ACYP2: variants seen among roughly 807,000 people sequenced by gnomAD.
The protein encoded by ACYP2 is acylphosphatase 2.
ACYP2 carries 12 observed loss-of-function variants against 11.2 expected under a neutral mutation model. The ratio of observed to expected loss-of-function variants is 1.08; its 90% CI spans 0.69 to 1.74. ACYP2 has a LOEUF of 1.74. ACYP2 is among the 40% of genes most tolerant of loss of function. ACYP2 has a pLI of 0.00. For synonymous variants in ACYP2, 43 were observed against 32.2 expected (o/e 1.33, Z -1.13); for missense variants, 134 against 101.9 (o/e 1.31, Z -1.35).
At chr2:53,971,337 C>G (rs1014976744) in intron 1 of ACYP2, 1 of 152,590 alleles carries the variant, frequency 6.6e-6, no homozygotes, top group Non-Finnish European at 1.5e-5. Context: ...CCTGGTCCCC[C>G]TAGCCGAGCA....
At chr2:54,054,179 A>G (rs1455805599) in intron 3 of ACYP2, among the ~76,000 whole-genome samples, 3 of 152,224 alleles carry the variant, frequency 2.0e-5, no homozygotes, top group East Asian at 1.9e-4. Flanking sequence ...GACGTTTGCT[A>G]GACTTCTGCC....
intron 6 of ACYP2, among the ~76,000 whole-genome samples, chr2:54,299,600 A>AC (rs1689645579): frequency 1.3e-5 from 2 of 151,228 alleles, no homozygotes; most frequent in East Asian, 3.9e-4. Context: ...TCAAAAAAAA[A>AC]AAAAAAAAGA....
intron 6 of ACYP2, among the ~76,000 whole-genome samples, chr2:54,169,093 G>GT (rs1171647680): frequency 6.6e-6 from 1 of 152,204 alleles, no homozygotes; most frequent in Non-Finnish European, 1.5e-5. Flanking sequence ...TCTTTCTAAA[G>GT]TATGTTAGAC....
chr2:54,013,988 T>G (rs1387624120), intron 2 of ACYP2, among the ~76,000 whole-genome samples: 1 of 151,882 alleles, frequency 6.6e-6, no homozygotes, highest in Non-Finnish European at 1.5e-5. Context: ...TGAAGCCCCT[T>G]CTCCACTAAA....
intron 6 of ACYP2, among the ~76,000 whole-genome samples, chr2:54,269,589 C>A (rs890269637): frequency 6.6e-6 from 1 of 152,174 alleles, no homozygotes; most frequent in African/African-American, 2.4e-5. Flanking sequence ...TGTGAGTGTT[C>A]TCTGTAAAAG....
At chr2:54,118,451 A>T (rs1558541758) in intron 4 of ACYP2, among the ~76,000 whole-genome samples, 1 of 152,202 alleles carries the variant, frequency 6.6e-6, no homozygotes, top group Non-Finnish European at 1.5e-5. Context: ...TGTGAGATGC[A>T]TGTCTTATTC....
chr2:54,071,722 G>C (rs1365914745), intron 4 of ACYP2, among the ~76,000 whole-genome samples: 1 of 152,106 alleles, frequency 6.6e-6, no homozygotes, highest in Non-Finnish European at 1.5e-5. Flanking sequence ...ATTTAAAAAT[G>C]ACGTTAGGCC....
At chr2:54,212,016 G>T (rs760820664) in intron 6 of ACYP2, among the ~76,000 whole-genome samples, 7 of 152,130 alleles carry the variant, frequency 4.6e-5, no homozygotes, top group Non-Finnish European at 7.4e-5. Context: ...CATAGTGCTT[G>T]GCACATAGTA....
At chr2:54,115,579 G>A (rs758619280) in intron 4 of ACYP2, 36 bp from the exon 1 acceptor site, 6 of 1,540,342 alleles carry the variant, frequency 3.9e-6, no homozygotes, top group South Asian at 1.2e-5. Context: ...TAGCGTCCGG[G>A]ACCGGTGACA....
chr2:54,169,999 T>A (rs895354379), intron 6 of ACYP2, among the ~76,000 whole-genome samples: 1 of 152,226 alleles, frequency 6.6e-6, no homozygotes, highest in Non-Finnish European at 1.5e-5. Context: ...TAGATGAAGA[T>A]GTGACTCTTA....
intron 2 of ACYP2, among the ~76,000 whole-genome samples, chr2:53,977,319 AC>A (rs1178457250): frequency 6.6e-6 from 1 of 152,090 alleles, no homozygotes; most frequent in Non-Finnish European, 1.5e-5. Flanking sequence ...CGCTGGAATT[AC>A]AGGCGTGAGC....
chr2:54,220,830 T>A (rs114235784), intron 6 of ACYP2, among the ~76,000 whole-genome samples: 2,508 of 152,320 alleles, frequency 0.016, 63 homozygotes, highest in African/African-American at 0.058. Context: ...ATCTTTTCTT[T>A]CAGGGTCTTA....
intron 6 of ACYP2, among the ~76,000 whole-genome samples, chr2:54,242,560 C>A (rs1686774899): frequency 1.3e-5 from 2 of 152,106 alleles, no homozygotes; most frequent in African/African-American, 2.4e-5. Flanking sequence ...ACATTTTGAT[C>A]AACGATGAAC....
At chr2:54,225,291 C>T (rs553917314) in intron 6 of ACYP2, among the ~76,000 whole-genome samples, 9 of 152,170 alleles carry the variant, frequency 5.9e-5, no homozygotes, top group African/African-American at 1.7e-4. Flanking sequence ...AGAAAAGGAG[C>T]TGGTTATTGT....
At chr2:54,183,519 G>A (rs1457847515) in intron 6 of ACYP2, among the ~76,000 whole-genome samples, 6 of 150,858 alleles carry the variant, frequency 4.0e-5, no homozygotes, top group Non-Finnish European at 7.4e-5. Flanking sequence ...GCGACAGAGC[G>A]AGACCCGGTC....
chr2:54,183,572 T>C (rs1191279202), intron 6 of ACYP2, among the ~76,000 whole-genome samples: 1 of 152,116 alleles, frequency 6.6e-6, no homozygotes, highest in Non-Finnish European at 1.5e-5. Flanking sequence ...TTTTTTTCTA[T>C]TCACAGTAAT....
At chr2:54,282,667 A>G (rs552719979) in intron 6 of ACYP2, among the ~76,000 whole-genome samples, 1 of 152,342 alleles carries the variant, frequency 6.6e-6, no homozygotes, top group South Asian at 2.1e-4. Flanking sequence ...GGAAATCACT[A>G]GAAACAAAGA....
chr2:54,021,365 A>T (rs964996746), intron 2 of ACYP2, among the ~76,000 whole-genome samples: 2 of 152,206 alleles, frequency 1.3e-5, no homozygotes, highest in Admixed American at 1.3e-4. Context: ...GTTAAACTTT[A>T]AAATGGAGAA....
intron 6 of ACYP2, among the ~76,000 whole-genome samples, chr2:54,197,226 T>C (rs924224776): frequency 2.6e-5 from 4 of 152,122 alleles, no homozygotes; most frequent in Non-Finnish European, 4.4e-5. Flanking sequence ...CAGGAGTTGA[T>C]GTTGGGTTGA....
Sources: allele counts gnomAD v4.1 joint callset (sites outside exome capture counted in the v4.1 genomes callset), GRCh38; gene constraint gnomAD v4.1.1; transcripts MANE v1.5; gene names NCBI Gene and HGNC (gene_info 2026-07-23, HGNC 2026-07-21).